SLC41A2: variants seen among roughly 807,000 people sequenced by gnomAD.
SLC41A2 encodes the protein SLC41A1-like 1.
A neutral mutation model predicts 58.3 loss-of-function variants in SLC41A2; 32 were observed. The ratio of observed to expected loss-of-function variants is 0.55; its 90% CI spans 0.41 to 0.74. The LOEUF is 0.74. Among genes scored for constraint, SLC41A2 ranks in the 30% least tolerant of loss-of-function variants. SLC41A2 has a pLI of 0.00. For missense variants in SLC41A2, 514 were observed against 680.6 expected (o/e 0.76, Z 2.72); for synonymous variants, 190 against 235.0 (o/e 0.81, Z 1.75).
intron 6 of SLC41A2, among the ~76,000 whole-genome samples, chr12:104,883,263 A>G (rs181433170): frequency 6.6e-6 from 1 of 152,198 alleles, no homozygotes. Flanking sequence ...AATGGGTTTG[A>G]ACATCCTCCT....
chr12:104,940,009 CTATTAT>C (rs761867088), intron 1 of SLC41A2, among the ~76,000 whole-genome samples: 4 of 151,670 alleles, frequency 2.6e-5, no homozygotes, highest in Non-Finnish European at 5.9e-5. Context: ...TTTCTGTTTC[CTATTAT>C]TATTATTTTT....
intron 10 of SLC41A2, among the ~76,000 whole-genome samples, chr12:104,808,643 T>C (rs2041033424): frequency 6.6e-6 from 1 of 152,216 alleles, no homozygotes; most frequent in Non-Finnish European, 1.5e-5. Context: ...GAAGGAATGG[T>C]ACCAGCTCCT....
intron 10 of SLC41A2, among the ~76,000 whole-genome samples, chr12:104,813,134 G>A (rs1208992662): frequency 6.6e-6 from 1 of 151,974 alleles, no homozygotes; most frequent in African/African-American, 2.4e-5. Context: ...AGCTGAGATT[G>A]TGCCACTGCA....
chr12:104,894,711 G>T (rs1029698287), intron 4 of SLC41A2, among the ~76,000 whole-genome samples: 3 of 152,104 alleles, frequency 2.0e-5, no homozygotes, highest in African/African-American at 7.2e-5. Flanking sequence ...TCAGTCTTAG[G>T]GGTAGGAGAG....
chr12:104,937,532 G>A (rs1399705587), intron 1 of SLC41A2, among the ~76,000 whole-genome samples: 1 of 152,134 alleles, frequency 6.6e-6, no homozygotes, highest in Non-Finnish European at 1.5e-5. Flanking sequence ...CTTGGCGTGT[G>A]GTAGGCTCTA....
intron 1 of SLC41A2, among the ~76,000 whole-genome samples, chr12:104,953,429 C>G (rs1174789510): frequency 6.6e-6 from 1 of 152,128 alleles, no homozygotes; most frequent in Non-Finnish European, 1.5e-5. Flanking sequence ...TTCTCTCCAC[C>G]CCCATCACTA....
chr12:104,895,480 A>G (rs2135705649), intron 3 of SLC41A2, 135 bp from the exon 4 acceptor site: 2 of 638,080 alleles, frequency 3.1e-6, no homozygotes, highest in East Asian at 5.6e-5. Context: ...TACTTTGAAA[A>G]TAATTCTGAA....
chr12:104,855,728 T>C (rs1429810316), intron 8 of SLC41A2, among the ~76,000 whole-genome samples: 1 of 152,188 alleles, frequency 6.6e-6, no homozygotes, highest in African/African-American at 2.4e-5. Context: ...TTCTAACCAA[T>C]GCATCTTGAA....
chr12:104,911,747 T>C (rs568392908), intron 2 of SLC41A2, among the ~76,000 whole-genome samples: 1 of 152,268 alleles, frequency 6.6e-6, no homozygotes, highest in Admixed American at 6.5e-5. Context: ...AAATCCTGGT[T>C]CAAAGAGTTC....
chr12:104,852,589 C>T (rs1027087298), intron 8 of SLC41A2, among the ~76,000 whole-genome samples: 1 of 152,080 alleles, frequency 6.6e-6, no homozygotes. Context: ...CAGTTTATCA[C>T]CTTATCACAC....
chr12:104,872,108 A>T (rs960804449), intron 6 of SLC41A2, among the ~76,000 whole-genome samples: 2 of 147,900 alleles, frequency 1.4e-5, no homozygotes, highest in Non-Finnish European at 3.0e-5. Context: ...AATAAGAAGG[A>T]AAAAAAAAAC....
chr12:104,822,838 T>G (rs755345028), intron 10 of SLC41A2, among the ~76,000 whole-genome samples: 13 of 152,090 alleles, frequency 8.5e-5, no homozygotes, highest in Non-Finnish European at 1.6e-4. Context: ...AGCTCTGAAC[T>G]CCTTTGACAT....
chr12:104,919,475 A>T (rs1754464459), intron 2 of SLC41A2, among the ~76,000 whole-genome samples: 2 of 152,240 alleles, frequency 1.3e-5, no homozygotes, highest in Admixed American at 1.3e-4. Flanking sequence ...ACAGCAATGC[A>T]TGATATCCTT....
intron 2 of SLC41A2, among the ~76,000 whole-genome samples, chr12:104,917,744 TCTCA>T (rs1180195581): frequency 2.0e-5 from 3 of 146,410 alleles, no homozygotes; most frequent in African/African-American, 5.0e-5. Flanking sequence ...CACCGCATGT[TCTCA>T]CTCATAGGTG....
intron 1 of SLC41A2, among the ~76,000 whole-genome samples, chr12:104,956,395 C>G (rs988399985): frequency 3.3e-5 from 5 of 152,140 alleles, no homozygotes; most frequent in Non-Finnish European, 7.3e-5. Context: ...CTAAGCAACC[C>G]AGACTGGCCG....
intron 1 of SLC41A2, among the ~76,000 whole-genome samples, chr12:104,944,407 A>T (rs537300500): frequency 6.6e-6 from 1 of 152,344 alleles, no homozygotes; most frequent in African/African-American, 2.4e-5. Context: ...ACCTTCTCCA[A>T]ACTGCACTTT....
At chr12:104,828,271 C>A (rs1182700311) in intron 10 of SLC41A2, among the ~76,000 whole-genome samples, 1 of 152,156 alleles carries the variant, frequency 6.6e-6, no homozygotes, top group Non-Finnish European at 1.5e-5. Flanking sequence ...TGCTGAGTGG[C>A]CGGCTCCAGT....
At chr12:104,943,219 C>A (rs1213565162) in intron 1 of SLC41A2, among the ~76,000 whole-genome samples, 1 of 152,074 alleles carries the variant, frequency 6.6e-6, no homozygotes, top group African/African-American at 2.4e-5. Context: ...TGTATCAATG[C>A]TTAGAAGAAA....
intron 3 of SLC41A2, among the ~76,000 whole-genome samples, chr12:104,901,155 C>T (rs1354978732): frequency 6.6e-6 from 1 of 152,024 alleles, no homozygotes; most frequent in African/African-American, 2.4e-5. Context: ...CTAATCAAAT[C>T]ATGCTAGGTG....
Sources: allele counts gnomAD v4.1 joint callset (sites outside exome capture counted in the v4.1 genomes callset), GRCh38; gene constraint gnomAD v4.1.1; transcripts MANE v1.5; gene names NCBI Gene and HGNC (gene_info 2026-07-23, HGNC 2026-07-21).